C2orf81: variants seen among roughly 807,000 people sequenced by gnomAD.
C2orf81 encodes uncharacterized protein C2orf81.
Under a neutral mutation model 7.9 loss-of-function variants are expected in C2orf81, and 5 were observed. That is an observed-to-expected ratio of 0.63 (90% CI 0.33 to 1.33). C2orf81 has a LOEUF of 1.33. Ranked by LOEUF, C2orf81 falls within the 40% of genes most tolerant of loss-of-function variation. The pLI is 0.05. For synonymous variants in C2orf81, 346 were observed against 367.4 expected, an observed-to-expected ratio of 0.94 and a Z score of 0.66; for missense variants, 781 against 830.4, an observed-to-expected ratio of 0.94 and a Z score of 0.73.
In C2orf81 at chr2:74,414,402, T is replaced by C. The variant is rs1156275881; in HGVS notation, c.1775A>G (p.Glu592Gly). 1.3e-6 allele frequency: 2 copies of C among 1,544,732 alleles called. No homozygotes were observed. Among genetic ancestry groups the C allele is most frequent in the South Asian group, 1.2e-5 (1 of 83,436 alleles). The change falls in exon 3 of 3, where the codon GAG becomes GGG. Residue 592 changes from glutamate to glycine, a missense_variant. Glu to Gly is a moderately conservative substitution (Grantham distance 98, BLOSUM62 -2). Transcript: ENST00000684111. The surrounding 1 kb of genome is among the most constrained non-coding windows in gnomAD (Gnocchi z 5.3). ...AGGAAAGGTGCTACCTTCTTTGTCC[T>C]CTTGTTCAGGCACACCAGAGCTGAG... is the stretch of plus-strand genomic sequence containing the variant. The part of the protein sequence containing the change: ...VLLSSGVPEQ[E>G]DKEGSTFPPV...
In C2orf81 at chr2:74,414,581, T is replaced by C. The variant is rs1347774660; in HGVS notation, c.1596A>G (p.Ala532=). The change falls in exon 3 of 3, where the codon GCA becomes GCG. Residue 532 remains alanine, a synonymous_variant. Coordinates refer to ENST00000684111, the MANE Select transcript of C2orf81 (RefSeq NM_001316764.3). This position sits in a 1 kb window ranked among gnomAD's most constrained non-coding sequence, Gnocchi z 5.3. ...TGCCAGGATCCTGGCCCTCCCTGTCTGCCAGCTCCAGACCCTGTGGAGGCA... is the reference window on the plus strand; with the variant it reads ...TGCCAGGATCCTGGCCCTCCCTGTCCGCCAGCTCCAGACCCTGTGGAGGCA... ...TRVPPQGLEL[A]DREGQDPGRW... is the part of the protein sequence containing the mutation. 1 of 1,544,016 alleles carries C rather than the reference T, an allele frequency of 6.5e-7. No homozygotes were observed. Among genetic ancestry groups the C allele is most frequent in the Non-Finnish European group, 8.8e-7 (1 of 1,141,436 alleles).
chr2:74,414,908 G>A lies in C2orf81; in HGVS notation c.1269C>T (p.Leu423=), dbSNP rs1676400227. Residue 423 remains leucine, a synonymous_variant, in exon 3 of 3, where the codon CTC becomes CTT. Coordinates refer to ENST00000684111, the MANE Select transcript of C2orf81 (RefSeq NM_001316764.3). This position sits in a 1 kb window ranked among gnomAD's most constrained non-coding sequence, Gnocchi z 5.3. ...CCGGGGAGACACGGGTGCCGGGGCC[G>A]AGGGCTTGGGGTTCGGCCCGGGCCT... The part of the protein sequence containing the change: ...KTKARAEPQA[L]GPGTRVSPAA... 2 of 1,544,816 alleles carry A rather than the reference G, an allele frequency of 1.3e-6. No homozygotes were observed. Among genetic ancestry groups the A allele is most frequent in the African/African-American group, 1.4e-5 (1 of 73,078 alleles).
At position 74,415,469 on chromosome 2, in the gene C2orf81, G is replaced by A. The variant is rs540493219; in HGVS notation, c.708C>T (p.Pro236=). The change falls in exon 3 of 3, where the codon CCC becomes CCT. Residue 236 remains proline (P), a synonymous_variant. Coordinates refer to ENST00000684111, the MANE Select transcript of C2orf81 (RefSeq NM_001316764.3). The surrounding 1 kb of genome is among the most constrained non-coding windows in gnomAD (Gnocchi z 5.5). ...CGTCCGCTTCCTCTACAGGACCTCC[G>A]GGCCCTGCCTCCTGAAACAGCTCTG... ...PTSELFQEAG[P]GGPVEEADGQ... 15 of 1,536,672 alleles carry A rather than the reference G, an allele frequency of 9.8e-6. No homozygotes were observed. Among genetic ancestry groups the A allele is most frequent in the South Asian group, 8.4e-5 (7 of 83,566 alleles).
intron 1 of C2orf81, among the ~76,000 whole-genome samples, chr2:74,418,921 C>G (rs1676535114): frequency 6.6e-6 from 1 of 152,056 alleles, no homozygotes; most frequent in South Asian, 2.1e-4. Context: ...TGGCTCACGC[C>G]TGTAATCCCA....
chr2:74,420,766 CTTCTTCTTTTTTTTTTT>C (rs1348029716), intron 1 of C2orf81, among the ~76,000 whole-genome samples: 2 of 131,416 alleles, frequency 1.5e-5, no homozygotes, highest in African/African-American at 6.0e-5. Context: ...TTTCTTTCTT[CTTCTTCTTTTTTTTTTT>C]TTTTTTTTTT....
chr2:74,418,627 G>A lies in C2orf81; in HGVS notation c.19-2386C>T, dbSNP rs60165458. ...CCTTCCTGGAGCCGCGCCAGCGCCA[G>A]AAATAGCCCAGGCTCGGAGTCCCAC... On this transcript the variant is annotated intron_variant, in intron 1 of 2. Coordinates refer to ENST00000684111, the MANE Select transcript of C2orf81 (RefSeq NM_001316764.3). The A allele has an allele frequency of 7.2e-3, 4,271 of 591,688 alleles. 153 individuals carry two copies. Among genetic ancestry groups the A allele is most frequent in the African/African-American group, 0.072 (3,851 of 53,814 alleles). 36.7% of individuals were successfully genotyped at this position (591,688 alleles called of 1,614,324 possible).
chr2:74,418,514 C>G, intron 1 of C2orf81: 2 of 963,864 alleles, frequency 2.1e-6, no homozygotes. Context: ...GCCTGCGGTG[C>G]ATGCTCCGGT....
chr2:74,417,953 C>A (rs1208271761), intron 1 of C2orf81, among the ~76,000 whole-genome samples: 2 of 151,656 alleles, frequency 1.3e-5, no homozygotes, highest in Non-Finnish European at 2.9e-5. Flanking sequence ...TCCACTCAGC[C>A]CATAGGGACC....
chr2:74,420,725 A>G (rs1676580823), intron 1 of C2orf81, among the ~76,000 whole-genome samples: 1 of 145,414 alleles, frequency 6.9e-6, no homozygotes, highest in South Asian at 2.2e-4. Flanking sequence ...AGGGACAGAG[A>G]TATTTTTGCA....
In C2orf81 at chr2:74,414,990, T is replaced by A; in HGVS notation, c.1187A>T (p.Asp396Val). 1 of 1,548,674 alleles carries A rather than the reference T, an allele frequency of 6.5e-7. No homozygotes were observed. The highest frequency in any genetic ancestry group is 1.4e-5 in the African/African-American group (1 of 73,008). ...VRPLAEVLVP[D>V]SQTRPLEAYR... ...GGCTTCCAAGGGGCGTGTTTGAGAG[T>A]CTGGGACCAGGACCTCAGCCAGAGG... Residue 396 changes from aspartate to valine, a missense_variant, in exon 3 of 3, where the codon GAC becomes GTC. Physicochemically the swap from Asp to Val is radical, Grantham distance 152. Coordinates refer to ENST00000684111, the MANE Select transcript of C2orf81 (RefSeq NM_001316764.3). This position sits in a 1 kb window ranked among gnomAD's most constrained non-coding sequence, Gnocchi z 5.3.
At chr2:74,417,550 G>A in intron 1 of C2orf81, 1 of 1,114,070 alleles carries the variant, frequency 9.0e-7, no homozygotes, top group South Asian at 1.5e-5. Flanking sequence ...AGGGAAGGTG[G>A]GGAAGGATGA....
intron 1 of C2orf81, among the ~76,000 whole-genome samples, 190 bp downstream of exon 1, chr2:74,421,353 G>A (rs1676607784): frequency 6.6e-6 from 1 of 152,204 alleles, no homozygotes; most frequent in Non-Finnish European, 1.5e-5. Flanking sequence ...CAAAGCGTTT[G>A]AGTGGGCACC....
Position 74,415,569 on chromosome 2 carries a change from C to T in C2orf81, c.608G>A (p.Arg203Gln), listed in dbSNP as rs1676432732. The change falls in exon 3 of 3, where the codon CGA becomes CAA. Residue 203 changes from arginine (R) to glutamine (Q), a missense_variant. Arg to Gln is a conservative substitution (Grantham distance 43, BLOSUM62 1). Coordinates refer to ENST00000684111, the MANE Select transcript of C2orf81 (RefSeq NM_001316764.3). The surrounding 1 kb of genome is among the most constrained non-coding windows in gnomAD (Gnocchi z 5.5). ...RIPLGRSWMG[R>Q]GSQEQMESWE... is the part of the protein sequence containing the mutation. ...AGATTCCATCTGCTCCTGGGAGCCT[C>T]GACCCATCCACGACCTTCCTAAAGG... The T allele has an allele frequency of 1.9e-6, 3 of 1,551,032 alleles. No individual in the cohort carries two copies. The highest frequency in any genetic ancestry group is 2.0e-5 in the Admixed American group (1 of 50,990).
Position 74,415,707 on chromosome 2 carries a change from A to ACACT in C2orf81, c.469_470insAGTG (p.Val157GlufsTer93). The ACACT allele has an allele frequency of 6.4e-7, 1 of 1,551,582 alleles. No homozygotes were observed. The highest frequency in any genetic ancestry group is 2.4e-5 in the East Asian group (1 of 40,920). ...GTCCGGAGAGGCTCCTGAGGAGTGT[A>ACACT]CTTCGCCTTGGAAGTTCTCCAGGCC... On this transcript the variant is annotated frameshift_variant, in exon 3 of 3. Coordinates refer to ENST00000684111, the MANE Select transcript of C2orf81 (RefSeq NM_001316764.3). LOFTEE classifies it low-confidence loss of function (END_TRUNC). This position sits in a 1 kb window ranked among gnomAD's most constrained non-coding sequence, Gnocchi z 5.5.
chr2:74,420,813 C>T (rs1272123500), intron 1 of C2orf81, among the ~76,000 whole-genome samples: 2 of 110,842 alleles, frequency 1.8e-5, no homozygotes, highest in Admixed American at 2.8e-4. Flanking sequence ...GACAGTCTCT[C>T]TCTGTCACCC....
intron 1 of C2orf81, among the ~76,000 whole-genome samples, chr2:74,420,179 TCAA>T (rs1366314298): frequency 6.6e-6 from 1 of 152,200 alleles, no homozygotes; most frequent in Non-Finnish European, 1.5e-5. Flanking sequence ...CACTATGTGT[TCAA>T]CAAAAGGAAA....
rs745800916 is a variant in C2orf81 at position 74,415,919 on chromosome 2, T to C, written c.258A>G (p.Pro86=). Reference sequence around the variant, plus strand: ...CCTCCCGGGCCTGGCTGATGGTGAATGGAATGCACTGCGGAGGCGAGAGAG... The same window carrying C: ...CCTCCCGGGCCTGGCTGATGGTGAACGGAATGCACTGCGGAGGCGAGAGAG... The part of the protein sequence containing the change: ...FKVYLTQQCI[P]FTISQAREAM... The change falls in exon 3 of 3, where the codon CCA becomes CCG. Residue 86 remains proline (P), a synonymous_variant. Transcript: ENST00000684111. This position sits in a 1 kb window ranked among gnomAD's most constrained non-coding sequence, Gnocchi z 5.5. 5 of 1,546,960 alleles carry C rather than the reference T, an allele frequency of 3.2e-6. No individual in the cohort carries two copies. The South Asian group carries it at 3.6e-5, about 11-fold the overall frequency.
At chr2:74,421,012 G>A (rs1573218494) in intron 1 of C2orf81, among the ~76,000 whole-genome samples, 2 of 151,840 alleles carry the variant, frequency 1.3e-5, no homozygotes, top group Non-Finnish European at 2.9e-5. Context: ...GAACTCCTGA[G>A]CTCAGGCAAT....
At chr2:74,420,140 A>C (rs1356949867) in intron 1 of C2orf81, among the ~76,000 whole-genome samples, 1 of 152,250 alleles carries the variant, frequency 6.6e-6, no homozygotes, top group East Asian at 1.9e-4. Context: ...ACAAACTTAC[A>C]CATCAATTAT....
Sources: allele counts gnomAD v4.1 joint callset (sites outside exome capture counted in the v4.1 genomes callset), GRCh38; gene constraint gnomAD v4.1.1; non-coding constraint Gnocchi (gnomAD v3.1); transcripts MANE v1.5; gene names NCBI Gene and HGNC (gene_info 2026-07-23, HGNC 2026-07-21).